CHD6: variants seen among roughly 807,000 people sequenced by gnomAD.
CHD6 encodes chromodomain helicase DNA binding protein 6.
CHD6 carries 50 observed loss-of-function variants against 276.9 expected under a neutral mutation model. The observed-to-expected ratio is 0.18, with a 90% CI of 0.14 to 0.23. The LOEUF (loss-of-function observed/expected upper bound fraction) is 0.23. Among genes scored for constraint, CHD6 ranks in the 10% least tolerant of loss-of-function variants. CHD6 has a pLI of 1.00. For synonymous variants in CHD6, 1,173 were observed against 1,229.3 expected (o/e 0.95, Z 0.96); for missense variants, 2,564 against 3,365.8 (o/e 0.76, Z 5.89).
chr20:41,495,759 C>T (rs2043670683), intron 8 of CHD6, among the ~76,000 whole-genome samples: 1 of 152,182 alleles, frequency 6.6e-6, no homozygotes, highest in South Asian at 2.1e-4. Context: ...AATTTTTTGA[C>T]AATTATACTC....
intron 5 of CHD6, among the ~76,000 whole-genome samples, chr20:41,505,673 A>G (rs921221139): frequency 3.3e-5 from 5 of 152,164 alleles, no homozygotes; most frequent in South Asian, 2.1e-4. Flanking sequence ...AACTCTTATT[A>G]CCGGAGCAGT....
At chr20:41,497,660 G>A (rs978092693) in intron 7 of CHD6, 159 bp from the exon 8 acceptor site, 17 of 639,700 alleles carry the variant, frequency 2.7e-5, no homozygotes, top group Non-Finnish European at 2.8e-5. Context: ...TCCCCTTAAG[G>A]GCAACAACAG....
chr20:41,498,630 C>T (rs550407324), intron 6 of CHD6, among the ~76,000 whole-genome samples: 1 of 152,178 alleles, frequency 6.6e-6, no homozygotes, highest in Non-Finnish European at 1.5e-5. Flanking sequence ...TTCATAAATT[C>T]TTGAAGTAAA....
At chr20:41,529,606 G>A (rs1394608272) in intron 3 of CHD6, among the ~76,000 whole-genome samples, 1 of 152,142 alleles carries the variant, frequency 6.6e-6, no homozygotes, top group Non-Finnish European at 1.5e-5. Flanking sequence ...GAAAGGACTT[G>A]GGATACTGAG....
chr20:41,572,514 A>C (rs1195750379), intron 1 of CHD6, among the ~76,000 whole-genome samples: 1 of 152,146 alleles, frequency 6.6e-6, no homozygotes, highest in Non-Finnish European at 1.5e-5. Flanking sequence ...CCTCCTAAAA[A>C]GGATGCCATG....
chr20:41,547,721 C>T lies in CHD6; in HGVS notation c.33+3584G>A, dbSNP rs912515401. On this transcript the variant is annotated intron_variant, in intron 2 of 36. Coordinates refer to ENST00000373233, the MANE Select transcript of CHD6 (RefSeq NM_032221.5). ...GAAAGAAACAGAAAAACATTAAACA[C>T]AGTGGAATTATCACTTTTGATGAGA... 3 of 595,932 alleles carry T rather than the reference C, an allele frequency of 5.0e-6. No homozygotes were observed. In the African/African-American group the frequency reaches 5.6e-5, roughly 11 times the overall value. 36.9% of individuals were successfully genotyped at this position (595,932 alleles called of 1,614,324 possible).
At chr20:41,446,150 T>C (rs1026311348) in intron 24 of CHD6, among the ~76,000 whole-genome samples, 2 of 152,060 alleles carry the variant, frequency 1.3e-5, no homozygotes, top group Non-Finnish European at 2.9e-5. Flanking sequence ...TCCCCAAGAG[T>C]TGAATTCATA....
At chr20:41,482,512 G>A (rs1298360316) in intron 16 of CHD6, 1 of 510,440 alleles carries the variant, frequency 2.0e-6, no homozygotes. Flanking sequence ...CATCTGTTAA[G>A]ACACCCGAGA....
Position 41,452,987 on chromosome 20 carries a change from A to C in CHD6, c.3121-45T>G, listed in dbSNP as rs1447630850. 1 of 1,448,014 alleles carries C rather than the reference A, an allele frequency of 6.9e-7. No individual in the cohort carries two copies. The highest frequency in any genetic ancestry group is 1.1e-5 in the South Asian group (1 of 87,272). The allele number at this position is 1,448,014 out of a possible 1,614,324, so 89.7% of individuals were successfully genotyped here. On this transcript the variant is annotated intron_variant, in intron 20 of 36. Transcript: ENST00000373233. The surrounding 1 kb of genome is among the most constrained non-coding windows in gnomAD (Gnocchi z 4.2). ...CTGGGAAGAAAGTCCTCTTTTCTCTACTCCTTTCACAAAGCATAAGTGTAT... is the reference window on the plus strand; with the variant it reads ...CTGGGAAGAAAGTCCTCTTTTCTCTCCTCCTTTCACAAAGCATAAGTGTAT...
chr20:41,593,581 A>G (rs866118332), intron 1 of CHD6, among the ~76,000 whole-genome samples: 5 of 152,162 alleles, frequency 3.3e-5, no homozygotes, highest in East Asian at 1.9e-4. Flanking sequence ...TCTTAATATA[A>G]TAAGTTTTGA....
chr20:41,516,254 C>T (rs2145980491), intron 3 of CHD6, among the ~76,000 whole-genome samples: 1 of 152,140 alleles, frequency 6.6e-6, no homozygotes, highest in East Asian at 1.9e-4. Context: ...ACCTCTACCT[C>T]CCACGTTTAA....
intron 5 of CHD6, among the ~76,000 whole-genome samples, chr20:41,512,524 A>G (rs1238814032): frequency 2.0e-5 from 3 of 151,750 alleles, no homozygotes; most frequent in Non-Finnish European, 1.5e-5. Context: ...GCAAAGGTCT[A>G]TGGGTAGAGA....
chr20:41,502,378 G>A (rs1239922706), intron 5 of CHD6, among the ~76,000 whole-genome samples: 1 of 151,996 alleles, frequency 6.6e-6, no homozygotes, highest in African/African-American at 2.4e-5. Context: ...TCAAAATATG[G>A]TATTTTATAT....
At chr20:41,513,723 A>C (rs552848629) in intron 4 of CHD6, among the ~76,000 whole-genome samples, 259 of 152,310 alleles carry the variant, frequency 1.7e-3, no homozygotes, top group African/African-American at 5.8e-3. Flanking sequence ...GAATCACTTC[A>C]GGGAACCATT....
intron 1 of CHD6, among the ~76,000 whole-genome samples, chr20:41,583,629 C>G (rs1228068832): frequency 6.6e-6 from 1 of 152,096 alleles, no homozygotes. Context: ...AATGCGAGAT[C>G]TTTTTTTCAC....
intron 25 of CHD6, among the ~76,000 whole-genome samples, chr20:41,445,359 C>G (rs1445558855): frequency 6.6e-6 from 1 of 152,176 alleles, no homozygotes; most frequent in Non-Finnish European, 1.5e-5. Flanking sequence ...GTGCCATGCA[C>G]TGGGACTATT....
rs2145336326 is a variant in CHD6, at chr20:41,402,410, T to C, written c.*2183A>G. ...CAGATTCCATAAGGATAACAAGGGA[T>C]TGAGCATGCTGGTGGGTTTTTAAGT... On this transcript the variant is annotated 3_prime_UTR_variant, in exon 37 of 37. Coordinates refer to ENST00000373233, the MANE Select transcript of CHD6 (RefSeq NM_032221.5). 1 of 229,918 alleles carries C rather than the reference T, an allele frequency of 4.3e-6. No homozygotes were observed. The highest frequency in any genetic ancestry group is 8.6e-6 in the Non-Finnish European group (1 of 115,996). 14.2% of individuals were successfully genotyped at this position (229,918 alleles called of 1,614,324 possible). A position where few individuals can be genotyped will look rare whatever the true frequency, so the allele number is the denominator to read the frequency against.
intron 1 of CHD6, among the ~76,000 whole-genome samples, chr20:41,574,851 G>A (rs546580369): frequency 6.6e-6 from 1 of 152,136 alleles, no homozygotes; most frequent in South Asian, 2.1e-4. Flanking sequence ...GCCGATTCAC[G>A]CCTACAGCTA....
chr20:41,427,523 G>T (rs1437608267), intron 27 of CHD6, among the ~76,000 whole-genome samples: 1 of 152,170 alleles, frequency 6.6e-6, no homozygotes, highest in African/African-American at 2.4e-5. Flanking sequence ...CACACAGCTG[G>T]CAAGTGGCAG....
Sources: gnomAD v4.1 joint callset for allele counts (sites outside exome capture counted in the v4.1 genomes callset) on GRCh38, gnomAD v4.1.1 for gene constraint, Gnocchi (gnomAD v3.1) non-coding constraint, MANE v1.5 for transcripts, NCBI Gene and HGNC (gene_info 2026-07-23, HGNC 2026-07-21) for gene names.